Variants in PRKAR2B observed in about 807,000 individuals in gnomAD.
The protein encoded by PRKAR2B is protein kinase cAMP-dependent type II regulatory subunit beta.
Under a neutral mutation model 49.9 loss-of-function variants are expected in PRKAR2B, and 14 were observed. The ratio of observed to expected loss-of-function variants is 0.28; its 90% CI spans 0.19 to 0.44. The LOEUF (loss-of-function observed/expected upper bound fraction) is 0.44. PRKAR2B is among the 20% of genes least tolerant of loss of function. The pLI, the probability that PRKAR2B is intolerant of heterozygous loss-of-function variation, is 1.00. For synonymous variants in PRKAR2B, 196 were observed against 197.7 expected, an observed-to-expected ratio of 0.99 and a Z score of 0.07; for missense variants, 393 against 537.9, an observed-to-expected ratio of 0.73 and a Z score of 2.67.
intron 10 of PRKAR2B, among the ~76,000 whole-genome samples, chr7:107,157,836 C>T (rs981919790): frequency 3.9e-5 from 6 of 152,142 alleles, no homozygotes; most frequent in Admixed American, 3.9e-4. Context: ...ATGTCATCTT[C>T]AGGTGCAGGC....
At chr7:107,064,587 A>G (rs1023072784) in intron 1 of PRKAR2B, among the ~76,000 whole-genome samples, 22 of 152,176 alleles carry the variant, frequency 1.4e-4, no homozygotes, top group African/African-American at 4.1e-4. Context: ...ATGGTTCATA[A>G]TCTGTGTCTC....
chr7:107,063,165 G>A (rs541721115), intron 1 of PRKAR2B, among the ~76,000 whole-genome samples: 330 of 152,152 alleles, frequency 2.2e-3, no homozygotes, highest in Admixed American at 3.7e-3. Flanking sequence ...CACCATGCCT[G>A]GCTAATTTTT....
intron 5 of PRKAR2B, 92 bp downstream of exon 5, chr7:107,141,045 A>G (rs1323189683): frequency 2.3e-6 from 2 of 872,646 alleles, no homozygotes; most frequent in African/African-American, 1.7e-5. Context: ...TTAATATAGG[A>G]TAGTTGTTAT....
chr7:107,151,191 G>A (rs977653760), intron 7 of PRKAR2B, among the ~76,000 whole-genome samples, 168 bp downstream of exon 7: 2 of 152,108 alleles, frequency 1.3e-5, no homozygotes, highest in Non-Finnish European at 2.9e-5. Context: ...TGTTTCTTCT[G>A]CTATCTATAA....
At chr7:107,124,734 T>C (rs1795454489) in intron 3 of PRKAR2B, among the ~76,000 whole-genome samples, 1 of 152,206 alleles carries the variant, frequency 6.6e-6, no homozygotes. Flanking sequence ...TACAGTGTTC[T>C]TTAAAGAAAA....
intron 2 of PRKAR2B, among the ~76,000 whole-genome samples, chr7:107,077,603 A>T (rs1422814160): frequency 6.6e-6 from 1 of 152,192 alleles, no homozygotes; most frequent in African/African-American, 2.4e-5. Context: ...TATGGCATGG[A>T]GTGAGCAGAT....
Position 107,146,364 on chromosome 7 carries a change from A to G in PRKAR2B, c.644A>G (p.Tyr215Cys), listed in dbSNP as rs1795892929. The change falls in exon 6 of 11, where the codon TAT becomes TGT. Residue 215 changes from tyrosine to cysteine, a missense_variant. This residue lies in a region of PRKAR2B where 233 missense variants were observed against 390.4 expected (regional missense o/e 0.60). Coordinates refer to ENST00000265717, the MANE Select transcript of PRKAR2B (RefSeq NM_002736.3). ...GGTGTTGGAAGATGTGTTGGTAACTATGATAATCGTGGGAGTTTCGGCGAA... is the reference window on the plus strand; with the variant it reads ...GGTGTTGGAAGATGTGTTGGTAACTGTGATAATCGTGGGAGTTTCGGCGAA... ...CDGVGRCVGN[Y>C]DNRGSFGELA... 3 of 1,614,144 alleles carry G rather than the reference A, an allele frequency of 1.9e-6. No homozygotes were observed. The highest frequency in any genetic ancestry group is 2.5e-6 in the Non-Finnish European group (3 of 1,179,998).
At chr7:107,072,574 T>C (rs904752697) in intron 2 of PRKAR2B, among the ~76,000 whole-genome samples, 2 of 152,194 alleles carry the variant, frequency 1.3e-5, no homozygotes, top group African/African-American at 4.8e-5. Flanking sequence ...TTAATTCTTA[T>C]AAAAGTTTGT....
intron 6 of PRKAR2B, among the ~76,000 whole-genome samples, chr7:107,147,973 A>G (rs1458737325): frequency 1.3e-5 from 2 of 152,228 alleles, no homozygotes; most frequent in African/African-American, 2.4e-5. Flanking sequence ...AAGAGACAAG[A>G]CATTTTACAT....
Position 107,157,004 on chromosome 7 carries a change from T to C in PRKAR2B, c.939T>C (p.Phe313=), listed in dbSNP as rs750377816. 16 of 1,612,158 alleles carry C rather than the reference T, an allele frequency of 9.9e-6. No individual in the cohort carries two copies. Among genetic ancestry groups the C allele is most frequent in the African/African-American group, 1.3e-5 (1 of 74,888 alleles). Reference sequence around the variant, plus strand: ...AATAGGGAGATTCGGCTGATTCTTTTTTCATTGTAGAATCTGGAGAAGTGA... The same window carrying C: ...AATAGGGAGATTCGGCTGATTCTTTCTTCATTGTAGAATCTGGAGAAGTGA... ...IIAQGDSADS[F]FIVESGEVKI... The change falls in exon 9 of 11, where the codon TTT becomes TTC. Residue 313 remains phenylalanine, a synonymous_variant. Transcript: ENST00000265717.
At chr7:107,085,717 A>G (rs988008167) in intron 2 of PRKAR2B, among the ~76,000 whole-genome samples, 6 of 152,046 alleles carry the variant, frequency 3.9e-5, no homozygotes, top group Non-Finnish European at 7.4e-5. Context: ...ATTGTGTTCT[A>G]TTTTCCATGA....
chr7:107,101,135 A>ATTTTTTTTTTTTT (rs950761298), intron 2 of PRKAR2B, among the ~76,000 whole-genome samples: 12 of 94,682 alleles, frequency 1.3e-4, no homozygotes, highest in Non-Finnish European at 2.3e-4. Flanking sequence ...GTTGTTGCTT[A>ATTTTTTTTTTTTT]TTTTTTTTTT....
rs41378848 is a variant in PRKAR2B, at chr7:107,121,527, C to T, written c.344-425C>T. Among the ~76,000 whole-genome samples, 1,169 of 152,140 alleles carry T rather than the reference C, an allele frequency of 7.7e-3. 15 individuals carry two copies. Among genetic ancestry groups the T allele is most frequent in the African/African-American group, 0.027 (1,103 of 41,540 alleles). On this transcript the variant is annotated intron_variant, in intron 2 of 10. Transcript: ENST00000265717. ...AACGTTAATATTTGTCGCTGAAGTACGCAAAATGTTAATATTTGTTCCATA... is the reference window on the plus strand; with the variant it reads ...AACGTTAATATTTGTCGCTGAAGTATGCAAAATGTTAATATTTGTTCCATA...
chr7:107,059,696 A>ATGTGTGTGTGTG (rs10692192), intron 1 of PRKAR2B, among the ~76,000 whole-genome samples: 12 of 149,664 alleles, frequency 8.0e-5, no homozygotes, highest in Middle Eastern at 3.5e-3. Flanking sequence ...GCTGTAGTGA[A>ATGTGTGTGTGTG]TGTGTGTGTG....
At position 107,045,037 on chromosome 7, in the gene PRKAR2B, G is replaced by C. The variant is rs779019844; in HGVS notation, c.130G>C (p.Glu44Gln). The C allele has an allele frequency of 9.7e-6, 15 of 1,549,104 alleles. No individual in the cohort carries two copies. The East Asian group carries it at 3.4e-4, about 35-fold the overall frequency. ...CTTCACCCGCCTGCAGCAGGAGAAC[G>C]AGCGCAAAGGCACCGCGCGCTTCGG... is the stretch of plus-strand genomic sequence containing the variant. Reference protein sequence around the residue: ...QHFTRLQQENERKGTARFGHE... With the variant: ...QHFTRLQQENQRKGTARFGHE... The change falls in exon 1 of 11, where the codon GAG (glutamate) becomes CAG (glutamine). Residue 44 changes from glutamate (E) to glutamine (Q), a missense_variant. Transcript: ENST00000265717.
chr7:107,131,046 C>A (rs1311380998), intron 4 of PRKAR2B, among the ~76,000 whole-genome samples: 2 of 152,116 alleles, frequency 1.3e-5, no homozygotes, highest in Non-Finnish European at 2.9e-5. Flanking sequence ...CACAAGCTCC[C>A]AGGTAATGTT....
intron 2 of PRKAR2B, among the ~76,000 whole-genome samples, chr7:107,080,502 T>C (rs895316741): frequency 6.6e-5 from 10 of 152,140 alleles, no homozygotes; most frequent in African/African-American, 2.2e-4. Context: ...CATTATGCCC[T>C]TGAAGTACTT....
At chr7:107,057,690 G>A (rs1345698491) in intron 1 of PRKAR2B, among the ~76,000 whole-genome samples, 1 of 151,972 alleles carries the variant, frequency 6.6e-6, no homozygotes, top group East Asian at 1.9e-4. Context: ...AATAAAGATA[G>A]TACCTATCTC....
At chr7:107,133,092 A>G (rs1211673833) in intron 4 of PRKAR2B, among the ~76,000 whole-genome samples, 5 of 152,226 alleles carry the variant, frequency 3.3e-5, no homozygotes, top group Non-Finnish European at 5.9e-5. Flanking sequence ...TTGAATTGGC[A>G]TTCTGTAGGA....
Sources: allele counts gnomAD v4.1 joint callset (sites outside exome capture counted in the v4.1 genomes callset), GRCh38; gene constraint gnomAD v4.1.1; regional missense constraint gnomAD v4.1.1; transcripts MANE v1.5; gene names NCBI Gene and HGNC (gene_info 2026-07-23, HGNC 2026-07-21).